Variants in SLC28A3 observed in about 807,000 individuals in gnomAD.
SLC28A3 encodes the protein solute carrier family 28 member 3.
Under a neutral mutation model 84.2 loss-of-function variants are expected in SLC28A3, and 68 were observed. The ratio of observed to expected loss-of-function variants is 0.81; its 90% confidence interval spans 0.66 to 0.99. The LOEUF is 0.99. Ranked by LOEUF, SLC28A3 falls within the 50% of genes least tolerant of loss-of-function variation. SLC28A3 has a pLI of 0.00. For synonymous variants in SLC28A3, 267 were observed against 303.6 expected, an observed-to-expected ratio of 0.88 and a Z score of 1.25; for missense variants, 712 against 841.5, an observed-to-expected ratio of 0.85 and a Z score of 1.90.
At chr9:84,321,627 A>G (rs1258540126) in intron 1 of SLC28A3, among the ~76,000 whole-genome samples, 2 of 150,024 alleles carry the variant, frequency 1.3e-5, no homozygotes, top group East Asian at 2.0e-4. Flanking sequence ...CCAGCTACTC[A>G]GGAGGCTGAG....
At chr9:84,290,947 A>G (rs7357807) in intron 10 of SLC28A3, among the ~76,000 whole-genome samples, 21,905 of 152,210 alleles carry the variant, frequency 0.14, 1,990 homozygotes, top group East Asian at 0.37. Flanking sequence ...GAAAGGAAGA[A>G]GCAGACAGAG....
chr9:84,282,994 T>G (rs1009031480), intron 14 of SLC28A3, among the ~76,000 whole-genome samples: 1 of 151,238 alleles, frequency 6.6e-6, no homozygotes, highest in African/African-American at 2.5e-5. Flanking sequence ...GGAAAAGCTG[T>G]CCTTGTTCCC....
At chr9:84,293,492 T>C (rs1237918336) in intron 9 of SLC28A3, among the ~76,000 whole-genome samples, 1 of 152,206 alleles carries the variant, frequency 6.6e-6, no homozygotes, top group Non-Finnish European at 1.5e-5. Flanking sequence ...TTTTTGTACA[T>C]TTTGATTTAT....
chr9:84,278,112 C>T lies in SLC28A3; in HGVS notation c.*106G>A. 4 of 1,393,972 alleles carry T rather than the reference C, an allele frequency of 2.9e-6. No homozygotes were observed. Among genetic ancestry groups the T allele is most frequent in the Non-Finnish European group, 3.9e-6 (4 of 1,035,632 alleles). 86.4% of individuals were successfully genotyped at this position (1,393,972 alleles called of 1,614,324 possible). ...CATTCCTTGCAATTAAAGCTGATTCCATTATGGAAGCATCAATCTGTGGAC... is the reference window on the plus strand; with the variant it reads ...CATTCCTTGCAATTAAAGCTGATTCTATTATGGAAGCATCAATCTGTGGAC... On this transcript the variant is annotated 3_prime_UTR_variant, in exon 18 of 18. Transcript: ENST00000376238.
At chr9:84,300,472 G>A (rs927815549) in intron 5 of SLC28A3, among the ~76,000 whole-genome samples, 3 of 152,204 alleles carry the variant, frequency 2.0e-5, no homozygotes, top group African/African-American at 7.2e-5. Context: ...AGACGTTAGG[G>A]CAAGTTCTGG....
intron 5 of SLC28A3, among the ~76,000 whole-genome samples, chr9:84,301,349 C>CAAAAAAA (rs59917986): frequency 9.2e-4 from 41 of 44,564 alleles, no homozygotes; most frequent in East Asian, 3.2e-3. Flanking sequence ...GACTCTGTCT[C>CAAAAAAA]AAAAAAAAAA....
intron 1 of SLC28A3, 21 bp from the exon 2 acceptor site, chr9:84,313,475 G>T: frequency 1.9e-6 from 3 of 1,599,312 alleles, no homozygotes; most frequent in Non-Finnish European, 2.6e-6. Context: ...AGTGCAGATT[G>T]AAAAAATAAA....
chr9:84,309,755 T>A, intron 2 of SLC28A3, 41 bp from the exon 3 acceptor site: 1 of 1,571,812 alleles, frequency 6.4e-7, no homozygotes, highest in Non-Finnish European at 8.7e-7. Flanking sequence ...ATAATGAGCA[T>A]CCTGGGCATA....
At chr9:84,360,792 C>T in the SLC28A3 span, among the ~76,000 whole-genome samples, 2,531 of 152,036 alleles carry the variant, frequency 0.017, 69 homozygotes, top group African/African-American at 0.058. Context: ...TGGTGCGCAC[C>T]TGTAGTCTTG....
At chr9:84,328,245 C>T (rs1419334317) in intron 1 of SLC28A3, among the ~76,000 whole-genome samples, 3 of 148,288 alleles carry the variant, frequency 2.0e-5, no homozygotes, top group Non-Finnish European at 4.4e-5. Context: ...ACTACATTAA[C>T]TATAAATGGA....
chr9:84,342,559 G>A (rs1827185653), upstream of SLC28A3, among the ~76,000 whole-genome samples: 1 of 150,342 alleles, frequency 6.7e-6, no homozygotes, highest in Admixed American at 6.6e-5. Flanking sequence ...ACTACAGACA[G>A]GTGCCATCAC....
At chr9:84,279,845 C>T (rs113179415) in intron 16 of SLC28A3, 130 bp downstream of exon 16, 4 of 824,190 alleles carry the variant, frequency 4.9e-6, no homozygotes. Flanking sequence ...TTACAGTATG[C>T]TTAAGAGCAG....
chr9:84,332,661 G>A (rs1826834248), intron 1 of SLC28A3, among the ~76,000 whole-genome samples: 1 of 152,016 alleles, frequency 6.6e-6, no homozygotes, highest in Non-Finnish European at 1.5e-5. Context: ...CCATTTGATT[G>A]TACTTAATCA....
the SLC28A3 span, among the ~76,000 whole-genome samples, chr9:84,354,463 T>C: frequency 1.3e-5 from 2 of 152,242 alleles, no homozygotes; most frequent in African/African-American, 4.8e-5. Flanking sequence ...AGCCAAAGGA[T>C]ATAGGAGTGG....
At chr9:84,287,920 C>CT in intron 12 of SLC28A3, 128 bp downstream of exon 12, 1 of 1,264,944 alleles carries the variant, frequency 7.9e-7, no homozygotes, top group East Asian at 2.4e-5. Context: ...TCTAAATAGT[C>CT]TTTGGACTAA....
rs1029402579 is a variant in SLC28A3, at chr9:84,285,276, G to A, written c.1647+69C>T. ...CCTGGCATAGTGCTTGACACACAGA[G>A]GCATAAGTAATAGACGAATGCAGGT... On this transcript the variant is annotated intron_variant, in intron 14 of 17. Transcript: ENST00000376238. 5.5e-6 allele frequency: 8 copies of A among 1,454,732 alleles called. No individual in the cohort carries two copies. In the African/African-American group the frequency reaches 9.8e-5, roughly 18 times the overall value. The allele number at this position is 1,454,732 out of a possible 1,614,324, so 90.1% of individuals were successfully genotyped here. A position where few individuals can be genotyped will look rare whatever the true frequency, so the allele number is the denominator to read the frequency against.
At position 84,277,137 on chromosome 9, in the gene SLC28A3, A is replaced by G. The variant is rs1824552689; in HGVS notation, c.*1081T>C. 2 of 152,196 alleles carry G rather than the reference A, an allele frequency of 1.3e-5. No homozygotes were observed. Among genetic ancestry groups the G allele is most frequent in the Admixed American group, 6.5e-5 (1 of 15,284 alleles). 9.4% of individuals were successfully genotyped at this position (152,196 alleles called of 1,614,324 possible). A position where few individuals can be genotyped will look rare whatever the true frequency, so the allele number is the denominator to read the frequency against. ...TCAACTGCTTCTTACACGGCTTTTG[A>G]TTGAAGAGTAGCTGCTTTGTCACCA... On this transcript the variant is annotated 3_prime_UTR_variant, in exon 18 of 18. Transcript: ENST00000376238.
the SLC28A3 span, among the ~76,000 whole-genome samples, chr9:84,355,206 G>A: frequency 6.6e-6 from 1 of 152,142 alleles, no homozygotes; most frequent in Non-Finnish European, 1.5e-5. Context: ...AGATGTCAGG[G>A]CTGAGGCAGG....
At chr9:84,317,785 T>C (rs1414218050) in intron 1 of SLC28A3, among the ~76,000 whole-genome samples, 1 of 152,188 alleles carries the variant, frequency 6.6e-6, no homozygotes, top group Non-Finnish European at 1.5e-5. Flanking sequence ...ACATAGTAAG[T>C]GCTCATTGAC....
Sources: gnomAD v4.1 joint callset for allele counts (sites outside exome capture counted in the v4.1 genomes callset) on GRCh38, gnomAD v4.1.1 for gene constraint, MANE v1.5 for transcripts, NCBI Gene and HGNC (gene_info 2026-07-23, HGNC 2026-07-21) for gene names.